Variants in HDAC4 observed in about 807,000 individuals in gnomAD.
The protein encoded by HDAC4 is histone deacetylase A.
Under a neutral mutation model 135.1 loss-of-function variants are expected in HDAC4, and 16 were observed. That is an observed-to-expected ratio of 0.12 (90% CI 0.08 to 0.18). The LOEUF is 0.18. HDAC4 is among the 10% of genes least tolerant of loss of function. The probability of loss-of-function intolerance (pLI) is 1.00; values close to 1 mark genes in which losing one functional copy is unlikely to be tolerated. For synonymous variants in HDAC4, 685 were observed against 653.4 expected, an observed-to-expected ratio of 1.05 and a Z score of -0.74; for missense variants, 1,143 against 1,511.8, an observed-to-expected ratio of 0.76 and a Z score of 4.05.
At chr2:239,081,490 T>C (rs2035322489) in intron 21 of HDAC4, among the ~76,000 whole-genome samples, 1 of 152,250 alleles carries the variant, frequency 6.6e-6, no homozygotes, top group Admixed American at 6.5e-5. Flanking sequence ...CCGCCCTGTG[T>C]TGTGTGCCGT....
intron 2 of HDAC4, among the ~76,000 whole-genome samples, chr2:239,260,660 C>T (rs909784711): frequency 4.1e-4 from 63 of 152,168 alleles, no homozygotes; most frequent in Non-Finnish European, 1.0e-4. Flanking sequence ...GGCCTGTGGC[C>T]TCCGGCTCTG....
intron 2 of HDAC4, among the ~76,000 whole-genome samples, chr2:239,260,987 C>T (rs1017609260): frequency 2.6e-5 from 4 of 152,074 alleles, no homozygotes; most frequent in South Asian, 2.1e-4. Flanking sequence ...AGCCTGGGAG[C>T]GGCTGGAGCG....
chr2:239,075,264 C>T (rs1439390867), intron 22 of HDAC4, among the ~76,000 whole-genome samples: 1 of 135,172 alleles, frequency 7.4e-6, no homozygotes, highest in Non-Finnish European at 1.6e-5. Flanking sequence ...AACTCAGTCT[C>T]TAAAAAAATA....
chr2:239,140,415 A>C (rs986208461), intron 8 of HDAC4, among the ~76,000 whole-genome samples: 1 of 152,122 alleles, frequency 6.6e-6, no homozygotes, highest in Non-Finnish European at 1.5e-5. Context: ...GTGACTTCCA[A>C]AAGGGGCCAC....
chr2:239,094,618 G>A (rs376032871), intron 17 of HDAC4: 1 of 1,143,742 alleles, frequency 8.7e-7, no homozygotes, highest in Non-Finnish European at 1.1e-6. Flanking sequence ...AGCCCCACCT[G>A]TAGCTTCGGG....
At chr2:239,246,292 G>A (rs568070032) in intron 2 of HDAC4, among the ~76,000 whole-genome samples, 52 of 152,298 alleles carry the variant, frequency 3.4e-4, no homozygotes, top group East Asian at 1.9e-3. Context: ...ATGTGGCAGT[G>A]GAAACACAGC....
chr2:239,378,934 C>A (rs1695218887), intron 1 of HDAC4, among the ~76,000 whole-genome samples: 1 of 152,214 alleles, frequency 6.6e-6, no homozygotes, highest in African/African-American at 2.4e-5. Flanking sequence ...AGGAAGCAGC[C>A]CTCTTTCCCC....
At chr2:239,353,123 C>A (rs1445881114) in intron 1 of HDAC4, among the ~76,000 whole-genome samples, 1 of 152,198 alleles carries the variant, frequency 6.6e-6, no homozygotes, top group East Asian at 1.9e-4. Flanking sequence ...GAGCAATTCT[C>A]CTGCCTCAGC....
intron 3 of HDAC4, among the ~76,000 whole-genome samples, chr2:239,203,321 T>C (rs565901984): frequency 6.6e-6 from 1 of 152,348 alleles, no homozygotes; most frequent in Non-Finnish European, 1.5e-5. Flanking sequence ...AGAATTATTC[T>C]AGCAAAATCA....
At chr2:239,217,871 C>T (rs2046729411) in intron 3 of HDAC4, among the ~76,000 whole-genome samples, 3 of 152,162 alleles carry the variant, frequency 2.0e-5, no homozygotes, top group African/African-American at 2.4e-5. Context: ...GGAGGGGGAT[C>T]GTTTGAGGCC....
chr2:239,138,599 C>A (rs569287476), intron 9 of HDAC4, among the ~76,000 whole-genome samples: 7 of 152,226 alleles, frequency 4.6e-5, no homozygotes, highest in Non-Finnish European at 7.3e-5. Context: ...ACTGCTAAAG[C>A]GTACCCCTCC....
chr2:239,208,728 G>T (rs907121546), intron 3 of HDAC4, among the ~76,000 whole-genome samples: 1 of 151,892 alleles, frequency 6.6e-6, no homozygotes, highest in Admixed American at 6.6e-5. Flanking sequence ...TACGGTGTTA[G>T]ATAAGATCAA....
At position 239,139,887 on chromosome 2, in the gene HDAC4, G is replaced by T. The variant is rs2041242800; in HGVS notation, c.866-91C>A. ...GCCCGAATGCCCGGTGCCTTCCACG[G>T]ACCTGCTCGTTAGCTTGCGACAGGC... On this transcript the variant is annotated intron_variant, in intron 8 of 26. Coordinates refer to ENST00000543185, the MANE Select transcript of HDAC4 (RefSeq NM_001378414.1). The surrounding 1 kb of genome is among the most constrained non-coding windows in gnomAD (Gnocchi z 5.3). 1 of 996,788 alleles carries T rather than the reference G, an allele frequency of 1.0e-6. No homozygotes were observed. Among genetic ancestry groups the T allele is most frequent in the Non-Finnish European group, 1.6e-6 (1 of 631,756 alleles). The allele number at this position is 996,788 out of a possible 1,614,324, so 61.7% of individuals were successfully genotyped here.
At chr2:239,120,877 C>T (rs1294169301) in intron 12 of HDAC4, among the ~76,000 whole-genome samples, 3 of 151,950 alleles carry the variant, frequency 2.0e-5, no homozygotes, top group African/African-American at 7.3e-5. Flanking sequence ...TGGCCACTCC[C>T]AGGAAGCCAG....
rs1033428080 is a variant in HDAC4 at position 239,299,733 on chromosome 2, A to G, written c.22+52945T>C. Among the ~76,000 whole-genome samples the G allele has an allele frequency of 3.9e-5, 6 of 152,210 alleles. No individual in the cohort carries two copies. The highest frequency in any genetic ancestry group is 9.6e-5 in the African/African-American group (4 of 41,452). ...CTGGTGGCCTCCCAGCAGCTCTCAT[A>G]GACCCTGGACCCAGCACAGTCCAGC... On this transcript the variant is annotated intron_variant, in intron 2 of 26. Coordinates refer to ENST00000543185, the MANE Select transcript of HDAC4 (RefSeq NM_001378414.1). This position sits in a 1 kb window ranked among gnomAD's most constrained non-coding sequence, Gnocchi z 4.0.
At chr2:239,401,290 G>C (rs1272732767), upstream of HDAC4, 1 of 151,994 alleles carries the variant, frequency 6.6e-6, no homozygotes, top group Non-Finnish European at 1.5e-5. Context: ...GCTCAACCGC[G>C]GGGCCGGATG....
chr2:239,116,407 A>G (rs1428616711), intron 12 of HDAC4, among the ~76,000 whole-genome samples: 1 of 152,136 alleles, frequency 6.6e-6, no homozygotes, highest in African/African-American at 2.4e-5. Context: ...CTGTCCAGTC[A>G]CACCCCAAGC....
intron 3 of HDAC4, among the ~76,000 whole-genome samples, chr2:239,231,216 A>G (rs2047532453): frequency 6.6e-6 from 1 of 152,230 alleles, no homozygotes; most frequent in South Asian, 2.1e-4. Context: ...AGGGTGATGA[A>G]ACCGCCACCC....
At chr2:239,180,888 T>C (rs1038666965) in intron 4 of HDAC4, among the ~76,000 whole-genome samples, 8 of 152,212 alleles carry the variant, frequency 5.3e-5, no homozygotes, top group Admixed American at 1.3e-4. Context: ...GCGCTGGTCT[T>C]TCCCGGCCCA....
Sources: allele counts gnomAD v4.1 joint callset (sites outside exome capture counted in the v4.1 genomes callset), GRCh38; gene constraint gnomAD v4.1.1; non-coding constraint Gnocchi (gnomAD v3.1); transcripts MANE v1.5; gene names NCBI Gene and HGNC (gene_info 2026-07-23, HGNC 2026-07-21).